Variants in SIGLEC5 observed in about 807,000 individuals in gnomAD.
SIGLEC5 encodes the protein sialic acid binding Ig like lectin 5, also known as sialic acid-binding Ig-like lectin 5.
SIGLEC5 carries 34 observed loss-of-function variants against 45.9 expected under a neutral mutation model. The ratio of observed to expected loss-of-function variants is 0.74; its 90% confidence interval spans 0.56 to 0.99. SIGLEC5 has a LOEUF of 0.99. Ranked by LOEUF, SIGLEC5 falls within the 50% of genes least tolerant of loss-of-function variation. The pLI is 0.00. For synonymous variants in SIGLEC5, 203 were observed against 258.6 expected, an observed-to-expected ratio of 0.79 and a Z score of 2.06; for missense variants, 508 against 629.6, an observed-to-expected ratio of 0.81 and a Z score of 2.07.
Position 51,629,062 on chromosome 19 carries a change from T to A in SIGLEC5, c.715A>T (p.Ile239Phe), listed in dbSNP as rs1315271563. The change falls in exon 4 of 9, where the codon ATC becomes TTC. Residue 239 changes from isoleucine to phenylalanine, a missense_variant. Physicochemically the swap from Ile to Phe is conservative, Grantham distance 21. Around this residue, in one of 2 missense-constraint regions of SIGLEC5, gnomAD observed 431 missense variants for 428.8 expected, o/e 1.01. Transcript: ENST00000683636. ...QLNVSYAPQTITIFRNGIALE... is the reference protein window; with the variant it reads ...QLNVSYAPQTFTIFRNGIALE... ...CCTATGCCGTTCCTGAAGATGGTGATGGTCTGTGGAGCATCTGGGATAAAA... is the reference window on the plus strand; with the variant it reads ...CCTATGCCGTTCCTGAAGATGGTGAAGGTCTGTGGAGCATCTGGGATAAAA... The A allele has an allele frequency of 2.5e-6, 4 of 1,613,816 alleles. No individual in the cohort carries two copies. The highest frequency in any genetic ancestry group is 2.7e-5 in the African/African-American group (2 of 74,870).
Position 51,628,199 on chromosome 19 carries a change from GC to G in SIGLEC5, c.740-109del. 2.4e-6 allele frequency: 3 copies of G among 1,275,730 alleles called. No individual in the cohort carries two copies. In the East Asian group the frequency reaches 7.7e-5, roughly 33 times the overall value. The allele number at this position is 1,275,730 out of a possible 1,614,324, so 79.0% of individuals were successfully genotyped here. A position where few individuals can be genotyped will look rare whatever the true frequency, so the allele number is the denominator to read the frequency against. On this transcript the variant is annotated intron_variant, in intron 4 of 8. Transcript: ENST00000683636. The stretch of plus-strand genomic sequence containing the variant: ...GATGACATCTCCCTCTCCTCCCCTG[GC>G]CTATGCTGGCTTGATTGCATCCTGG...
intron 8 of SIGLEC5, among the ~76,000 whole-genome samples, chr19:51,622,300 T>TG (rs1438195490): frequency 6.8e-6 from 1 of 146,602 alleles, no homozygotes; most frequent in Non-Finnish European, 1.5e-5. Context: ...CCTGGCTAAT[T>TG]TTTTTTTTTT....
chr19:51,612,092 C>CATCTGTTTTCTTTCTGCT lies in SIGLEC5; in HGVS notation c.*138_*139insAGCAGAAAGAAAACAGAT. The CATCTGTTTTCTTTCTGCT allele has an allele frequency of 1.5e-6, 1 of 649,026 alleles. No homozygotes were observed. Among genetic ancestry groups the CATCTGTTTTCTTTCTGCT allele is most frequent in the South Asian group, 2.6e-5 (1 of 39,108 alleles). The allele number at this position is 649,026 out of a possible 1,614,324, so 40.2% of individuals were successfully genotyped here. On this transcript the variant is annotated 3_prime_UTR_variant, in exon 9 of 9. Transcript: ENST00000683636. ...TTTGAGCCCACCTCTCTAATTCCAT[C>CATCTGTTTTCTTTCTGCT]TGCTTGGAGCACTTAAACATCAGTT...
At chr19:51,617,713 A>G (rs185909313) in intron 8 of SIGLEC5, among the ~76,000 whole-genome samples, 3 of 152,294 alleles carry the variant, frequency 2.0e-5, no homozygotes, top group African/African-American at 7.2e-5. Flanking sequence ...AAATAAAAAG[A>G]GAGAAAGAGA....
At chr19:51,623,184 T>A (rs932685866) in intron 8 of SIGLEC5, among the ~76,000 whole-genome samples, 3 of 152,088 alleles carry the variant, frequency 2.0e-5, no homozygotes, top group African/African-American at 7.2e-5. Flanking sequence ...CCCACAAAAT[T>A]AAAAATAAAA....
At position 51,627,559 on chromosome 19, in the gene SIGLEC5, G is replaced by C. The variant is rs1300654095; in HGVS notation, c.1185C>G (p.Ser395=). 6.2e-7 allele frequency: 1 copy of C among 1,614,068 alleles called. No individual in the cohort carries two copies. The highest frequency in any genetic ancestry group is 8.5e-7 in the Non-Finnish European group (1 of 1,180,032). Residue 395 remains serine, a synonymous_variant, in exon 6 of 9, where the codon TCC becomes TCG. Coordinates refer to ENST00000683636, the MANE Select transcript of SIGLEC5 (RefSeq NM_003830.4). ...AGCTGAGCCCCCCGTGGAGGATCAG[G>C]GAGCTGTTGGCCCAGGGCCCAGCTG... The part of the protein sequence containing the change: ...SSSAGPWANS[S]LILHGGLSSD...
At chr19:51,616,475 A>G (rs149751199) in intron 8 of SIGLEC5, among the ~76,000 whole-genome samples, 20 of 152,340 alleles carry the variant, frequency 1.3e-4, no homozygotes, top group Admixed American at 8.5e-4. Flanking sequence ...GAAGAGCCCA[A>G]TGGATGGGAT....
At chr19:51,628,190 C>T (rs1983576662) in intron 4 of SIGLEC5, 99 bp from the exon 5 acceptor site, 11 of 1,329,540 alleles carry the variant, frequency 8.3e-6, no homozygotes, top group Admixed American at 2.8e-5. Context: ...ATCTCCCTCT[C>T]CTCCCCTGGC....
chr19:51,612,158 G>T lies in SIGLEC5; in HGVS notation c.*73C>A. ...ACAAGGGCTCTTCGTGCTTCAGCAAGTGGTCCCTGACTTGTCCTTTCCCCC... is the reference window on the plus strand; with the variant it reads ...ACAAGGGCTCTTCGTGCTTCAGCAATTGGTCCCTGACTTGTCCTTTCCCCC... On this transcript the variant is annotated 3_prime_UTR_variant, in exon 9 of 9. Transcript: ENST00000683636. 1 of 1,254,472 alleles carries T rather than the reference G, an allele frequency of 8.0e-7. No individual in the cohort carries two copies. Among genetic ancestry groups the T allele is most frequent in the Non-Finnish European group, 1.1e-6 (1 of 907,862 alleles). The allele number at this position is 1,254,472 out of a possible 1,614,324, so 77.7% of individuals were successfully genotyped here.
chr19:51,612,879 C>T (rs571497206), intron 8 of SIGLEC5, among the ~76,000 whole-genome samples: 1 of 148,600 alleles, frequency 6.7e-6, no homozygotes, highest in Non-Finnish European at 1.5e-5. Context: ...GGGTTCTTCT[C>T]TCTCTCTCTC....
chr19:51,628,233 G>A, intron 4 of SIGLEC5, 142 bp from the exon 5 acceptor site: 4 of 981,056 alleles, frequency 4.1e-6, no homozygotes, highest in Non-Finnish European at 5.6e-6. Flanking sequence ...TGGTTCAAAG[G>A]CTGGGCCTTT....
chr19:51,629,652 GGA>G lies in SIGLEC5; in HGVS notation c.422-18_422-17del. 8.2e-7 allele frequency: 1 copy of G among 1,215,258 alleles called. No homozygotes were observed. The highest frequency in any genetic ancestry group is 1.2e-6 in the Non-Finnish European group (1 of 868,510). 75.3% of individuals were successfully genotyped at this position (1,215,258 alleles called of 1,614,324 possible). ...TCTATCAGGGCTGAGGAGGAGACAG[GGA>G]GATACCTGGGCCCCAGGGGCTTGAG... On this transcript the variant is annotated splice_polypyrimidine_tract_variant and intron_variant, in intron 2 of 8. Transcript: ENST00000683636.
rs1187910028 is a variant in SIGLEC5, at chr19:51,611,956, A to G, written c.*275T>C. ...TTGATTTCCATGTGTTGATTTCTTT[A>G]ATGTTCACAACAACCTTTGAGGTAG... On this transcript the variant is annotated 3_prime_UTR_variant, in exon 9 of 9. Transcript: ENST00000683636. 4.5e-6 allele frequency: 1 copy of G among 222,454 alleles called. No individual in the cohort carries two copies. Among genetic ancestry groups the G allele is most frequent in the Non-Finnish European group, 8.8e-6 (1 of 114,112 alleles). 13.8% of individuals were successfully genotyped at this position (222,454 alleles called of 1,614,324 possible).
intron 8 of SIGLEC5, among the ~76,000 whole-genome samples, chr19:51,614,150 A>G (rs976203228): frequency 6.6e-6 from 1 of 152,132 alleles, no homozygotes; most frequent in African/African-American, 2.4e-5. Flanking sequence ...AGTAGCTCAG[A>G]AGTTTTCTTT....
At position 51,612,178 on chromosome 19, in the gene SIGLEC5, T is replaced by C; in HGVS notation, c.*53A>G. 1 of 1,452,282 alleles carries C rather than the reference T, an allele frequency of 6.9e-7. No homozygotes were observed. The highest frequency in any genetic ancestry group is 9.3e-7 in the Non-Finnish European group (1 of 1,077,372). 90.0% of individuals were successfully genotyped at this position (1,452,282 alleles called of 1,614,324 possible). On this transcript the variant is annotated 3_prime_UTR_variant, in exon 9 of 9. Transcript: ENST00000683636. The stretch of plus-strand genomic sequence containing the variant: ...AGCAAGTGGTCCCTGACTTGTCCTT[T>C]CCCCCAGACAGGCTGTGGCTCCTCC...
At chr19:51,618,442 C>CCAAA (rs1983146917) in intron 8 of SIGLEC5, among the ~76,000 whole-genome samples, 2 of 29,078 alleles carry the variant, frequency 6.9e-5, no homozygotes, top group African/African-American at 1.0e-4. Context: ...GAGACCCTGC[C>CCAAA]TAAAAAAAAA....
Position 51,612,100 on chromosome 19 carries a change from A to T in SIGLEC5, c.*131T>A. 1 of 157,284 alleles carries T rather than the reference A, an allele frequency of 6.4e-6. No homozygotes were observed. The highest frequency in any genetic ancestry group is 1.1e-5 in the Non-Finnish European group (1 of 94,952). The allele number at this position is 157,284 out of a possible 1,614,324, so 9.7% of individuals were successfully genotyped here. On this transcript the variant is annotated 3_prime_UTR_variant, in exon 9 of 9. Coordinates refer to ENST00000683636, the MANE Select transcript of SIGLEC5 (RefSeq NM_003830.4). ...CACCTCTCTAATTCCATCTGCTTGG[A>T]GCACTTAAACATCAGTTAATGTTAA...
rs1201296304 is a variant in SIGLEC5, at chr19:51,629,876, T to C, written c.378A>G (p.Val126=). The C allele has an allele frequency of 1.5e-6, 2 of 1,324,812 alleles. No homozygotes were observed. The highest frequency in any genetic ancestry group is 3.1e-5 in the African/African-American group (2 of 64,144). 82.1% of individuals were successfully genotyped at this position (1,324,812 alleles called of 1,614,324 possible). A position where few individuals can be genotyped will look rare whatever the true frequency, so the allele number is the denominator to read the frequency against. The change falls in exon 2 of 9, where the codon GTA becomes GTG. Residue 126 remains valine (V), a synonymous_variant. Coordinates refer to ENST00000683636, the MANE Select transcript of SIGLEC5 (RefSeq NM_003830.4). ...GCTTATTCTGTTGGTAGCTATATTT[T>C]ACATCCCTTCCTCTCTCCACGCGGA... is the stretch of plus-strand genomic sequence containing the variant. ...YFFRVERGRD[V]KYSYQQNKLN...
In SIGLEC5 at chr19:51,627,207, C is replaced by G; in HGVS notation, c.1324G>C (p.Gly442Arg). 6.2e-7 allele frequency: 1 copy of G among 1,614,138 alleles called. No individual in the cohort carries two copies. Among genetic ancestry groups the G allele is most frequent in the Non-Finnish European group, 8.5e-7 (1 of 1,180,026 alleles). ...AGCAGGGCCATGACACCAGCACCAC[C>G]AAGGGCTGCAGGAACCACTCCTGTC... ...LGTGVVPAALGGAGVMALLCI... is the reference protein window; with the variant it reads ...LGTGVVPAALRGAGVMALLCI... The change falls in exon 7 of 9, where the codon GGT becomes CGT. Residue 442 changes from glycine (G) to arginine (R), a missense_variant. Gly to Arg is a moderately radical substitution (Grantham distance 125). This residue lies in a region of SIGLEC5 where 431 missense variants were observed against 428.8 expected (regional missense o/e 1.01). Transcript: ENST00000683636.
Sources: gnomAD v4.1 joint callset for allele counts (sites outside exome capture counted in the v4.1 genomes callset) on GRCh38, gnomAD v4.1.1 for gene constraint, gnomAD v4.1.1 regional missense constraint, MANE v1.5 for transcripts, NCBI Gene and HGNC (gene_info 2026-07-23, HGNC 2026-07-21) for gene names.